BTD: variants seen among roughly 807,000 people sequenced by gnomAD.
BTD encodes biotinidase, also known as biocytinase.
In BTD, 13 loss-of-function variants were observed where a neutral mutation model predicts 17.7. The observed-to-expected ratio is 0.74, with a 90% CI of 0.48 to 1.17. The LOEUF is 1.17. Among genes scored for constraint, BTD ranks in the 50% most tolerant of loss-of-function variants. The probability of loss-of-function intolerance (pLI) is 0.00; values close to 1 mark genes in which losing one functional copy is unlikely to be tolerated. For synonymous variants in BTD, 240 were observed against 245.2 expected (o/e 0.98, Z 0.20); for missense variants, 674 against 650.4 (o/e 1.04, Z -0.39).
chr3:15,721,022 G>T (rs1176947206), intron 4 of BTD: 1 of 1,613,716 alleles, frequency 6.2e-7, no homozygotes, highest in Non-Finnish European at 8.5e-7. Flanking sequence ...TCATTCTTTT[G>T]ATTCACAATA....
At chr3:15,679,602 G>T in intron 3 of BTD, 1 of 1,520,556 alleles carries the variant, frequency 6.6e-7, no homozygotes, top group East Asian at 2.3e-5. Context: ...AAATTCAAAG[G>T]AGATACTGGC....
chr3:15,645,108 T>C lies in BTD; in HGVS notation c.1192T>C (p.Cys398Arg), dbSNP rs397514408. Reference protein sequence around the residue: ...VWGKEGYLHVCSNGLCCYLLY... With the variant: ...VWGKEGYLHVRSNGLCCYLLY... ...GGGAAAGGAAGGCTATCTCCACGTC[T>C]GTTCCAATGGCCTCTGCTGTTATTT... The change falls in exon 4 of 4, where the codon TGT becomes CGT. Residue 398 changes from cysteine (C) to arginine (R), a missense_variant. By Grantham distance (180) the Cys-to-Arg change is radical (BLOSUM62 -3). Transcript: ENST00000643237. 6.2e-7 allele frequency: 1 copy of C among 1,614,188 alleles called. No homozygotes were observed.
rs1425515237 is a variant in BTD at position 15,650,926 on chromosome 3, C to T, written c.*5438C>T. 1.3e-5 allele frequency among the ~76,000 whole-genome samples: 2 copies of T among 152,156 alleles called. No homozygotes were observed. The highest frequency in any genetic ancestry group is 2.1e-4 in the South Asian group (1 of 4,824). Reference sequence around the variant, plus strand: ...CTGGGACTACAGGCACGTGCCACCACGCCCAGCTAATTTTTTGTATTTTTA... The same window carrying T: ...CTGGGACTACAGGCACGTGCCACCATGCCCAGCTAATTTTTTGTATTTTTA... On this transcript the variant is annotated 3_prime_UTR_variant, in exon 4 of 4. Transcript: ENST00000643237.
intron 1 of BTD, 137 bp downstream of exon 1, chr3:15,602,031 T>C: frequency 6.7e-7 from 1 of 1,490,584 alleles, no homozygotes; most frequent in East Asian, 2.4e-5. Context: ...CGCGCGTCGT[T>C]TGCTGGGGCT....
At chr3:15,663,895 G>A (rs2065950989) in intron 3 of BTD, among the ~76,000 whole-genome samples, 1 of 152,080 alleles carries the variant, frequency 6.6e-6, no homozygotes, top group Admixed American at 6.5e-5. Context: ...ACACATACAT[G>A]ACTGATTTTA....
At chr3:15,612,387 T>C (rs555130236) in intron 1 of BTD, among the ~76,000 whole-genome samples, 2 of 152,348 alleles carry the variant, frequency 1.3e-5, no homozygotes, top group South Asian at 2.1e-4. Context: ...TGGCATAATA[T>C]ATAATTTCTG....
chr3:15,635,518 G>C lies in BTD; in HGVS notation c.79G>C (p.Glu27Gln). The change falls in exon 2 of 4, where the codon GAG (glutamate) becomes CAG (glutamine). Residue 27 changes from glutamate to glutamine, a missense_variant. By Grantham distance (29) the Glu-to-Gln change is conservative (BLOSUM62 2). Transcript: ENST00000643237. This position sits in a 1 kb window ranked among gnomAD's most constrained non-coding sequence, Gnocchi z 4.1. Reference sequence around the variant, plus strand: ...TGCCCTGGGAGCCCACACCGGGGAGGAGAGCGTGGCTGACCATCACGAGGC... The same window carrying C: ...TGCCCTGGGAGCCCACACCGGGGAGCAGAGCGTGGCTGACCATCACGAGGC... ...VVALGAHTGE[E>Q]SVADHHEAEY... 1 of 1,614,166 alleles carries C rather than the reference G, an allele frequency of 6.2e-7. No homozygotes were observed. The highest frequency in any genetic ancestry group is 8.5e-7 in the Non-Finnish European group (1 of 1,180,034).
downstream of BTD, among the ~76,000 whole-genome samples, chr3:15,713,840 G>A (rs899359441): frequency 5.3e-5 from 8 of 152,192 alleles, no homozygotes; most frequent in South Asian, 2.1e-4. Context: ...TGTGAATTAA[G>A]CATAAGATTT....
rs1575029367 is a variant in BTD at position 15,644,469 on chromosome 3, A to G, written c.553A>G (p.Thr185Ala). ...AAATGTCGTGTTCAGCAATAATGGA[A>G]CCCTTGTTGACCGCTACCGTAAACA... is the stretch of plus-strand genomic sequence containing the variant. ...NTNVVFSNNG[T>A]LVDRYRKHNL... Residue 185 changes from threonine to alanine, a missense_variant, in exon 4 of 4, where the codon ACC becomes GCC. Transcript: ENST00000643237. 1 of 1,613,136 alleles carries G rather than the reference A, an allele frequency of 6.2e-7. No individual in the cohort carries two copies. The highest frequency in any genetic ancestry group is 1.7e-5 in the Admixed American group (1 of 59,924).
intron 3 of BTD, among the ~76,000 whole-genome samples, chr3:15,672,306 A>G (rs1433511896): frequency 1.3e-5 from 2 of 151,928 alleles, no homozygotes; most frequent in Admixed American, 6.6e-5. Context: ...ATGCCTGGCT[A>G]ATTTTTAAAC....
intron 3 of BTD, among the ~76,000 whole-genome samples, chr3:15,709,366 T>A (rs2071915015): frequency 6.6e-6 from 1 of 152,098 alleles, no homozygotes; most frequent in South Asian, 2.1e-4. Context: ...AAACATAGGT[T>A]CTATGGGGCT....
downstream of BTD, among the ~76,000 whole-genome samples, chr3:15,657,258 G>GAAAT (rs945405325): frequency 2.0e-5 from 3 of 152,266 alleles, no homozygotes; most frequent in African/African-American, 7.2e-5. Context: ...TCAAGGAGAG[G>GAAAT]AAATACAGAG....
chr3:15,670,156 T>G lies in BTD; in HGVS notation c.399+28099T>G, dbSNP rs139939059. 167 of 1,196,620 alleles carry G rather than the reference T, an allele frequency of 1.4e-4. No homozygotes were observed. The African/African-American group carries it at 2.4e-3, about 17-fold the overall frequency. 74.1% of individuals were successfully genotyped at this position (1,196,620 alleles called of 1,614,324 possible). A position where few individuals can be genotyped will look rare whatever the true frequency, so the allele number is the denominator to read the frequency against. Reference sequence around the variant, plus strand: ...TGCCATCAGATCTCTTAACATTGGCTCACTGTGGGATCTTTCCTCTTAGGT... The same window carrying G: ...TGCCATCAGATCTCTTAACATTGGCGCACTGTGGGATCTTTCCTCTTAGGT... On this transcript the variant is annotated intron_variant, in intron 3 of 3. Transcript: ENST00000672141.
chr3:15,691,815 A>G (rs895119237), intron 3 of BTD, among the ~76,000 whole-genome samples: 4 of 152,190 alleles, frequency 2.6e-5, no homozygotes, highest in Non-Finnish European at 4.4e-5. Context: ...ATCATACATT[A>G]AATATAAAAG....
chr3:15,694,324 C>G lies in BTD; in HGVS notation c.400-15736C>G, dbSNP rs2069218137. ...AGTGAACACACAACAAGTTAGCACCCCAAGATCACAAAGTAAGCAAAAAAT... is the reference window on the plus strand; with the variant it reads ...AGTGAACACACAACAAGTTAGCACCGCAAGATCACAAAGTAAGCAAAAAAT... On this transcript the variant is annotated intron_variant, in intron 3 of 3. Transcript: ENST00000672141. Among the ~76,000 whole-genome samples, 3 of 152,148 alleles carry G rather than the reference C, an allele frequency of 2.0e-5. No individual in the cohort carries two copies. The South Asian group carries it at 6.2e-4, about 32-fold the overall frequency.
At chr3:15,604,383 G>T (rs1225885190) in intron 1 of BTD, among the ~76,000 whole-genome samples, 1 of 152,226 alleles carries the variant, frequency 6.6e-6, no homozygotes, top group African/African-American at 2.4e-5. Context: ...GGCTGGCATG[G>T]CTGGGATGCA....
chr3:15,607,364 T>C (rs2064488771), intron 1 of BTD, among the ~76,000 whole-genome samples: 2 of 152,244 alleles, frequency 1.3e-5, no homozygotes, highest in Non-Finnish European at 2.9e-5. Context: ...TTGTAGGTTC[T>C]GGATTTGAGA....
intron 1 of BTD, chr3:15,606,586 T>C (rs918529801): frequency 1.3e-5 from 2 of 152,224 alleles, no homozygotes; most frequent in Non-Finnish European, 2.9e-5. Flanking sequence ...AACAAATAAC[T>C]GGAATTCAGT....
chr3:15,666,397 C>T (rs1411884899), intron 3 of BTD, among the ~76,000 whole-genome samples: 1 of 52,450 alleles, frequency 1.9e-5, no homozygotes, highest in East Asian at 1.4e-3. Flanking sequence ...GCAAACACTA[C>T]TTCATCTCCC....
Sources: allele counts gnomAD v4.1 joint callset (sites outside exome capture counted in the v4.1 genomes callset), GRCh38; gene constraint gnomAD v4.1.1; non-coding constraint Gnocchi (gnomAD v3.1); transcripts MANE v1.5; gene names NCBI Gene and HGNC (gene_info 2026-07-23, HGNC 2026-07-21).